FAM124B: variants seen among roughly 807,000 people sequenced by gnomAD.
The protein encoded by FAM124B is family with sequence similarity 124 member B.
FAM124B carries 18 observed loss-of-function variants against 19.7 expected under a neutral mutation model. That is an observed-to-expected ratio of 0.92 (90% confidence interval 0.63 to 1.36). The LOEUF is 1.36. FAM124B is among the 40% of genes most tolerant of loss of function. The pLI is 0.00. For synonymous variants in FAM124B, 223 were observed against 225.2 expected, an observed-to-expected ratio of 0.99 and a Z score of 0.09; for missense variants, 540 against 553.3, an observed-to-expected ratio of 0.98 and a Z score of 0.24.
chr2:224,401,425 T>C lies in FAM124B; in HGVS notation c.344A>G (p.Glu115Gly), dbSNP rs2106091755. 1.9e-6 allele frequency: 3 copies of C among 1,613,988 alleles called. No homozygotes were observed. The highest frequency in any genetic ancestry group is 2.2e-5 in the South Asian group (2 of 91,078). Residue 115 changes from glutamate (E) to glycine (G), a missense_variant, in exon 1 of 2, where the codon GAG becomes GGG. Physicochemically the swap from Glu to Gly is moderately conservative, Grantham distance 98. Transcript: ENST00000409685. ...CAGCTGACTGTCCAGGCTGTAGAAC[T>C]CCTGATTGGCAAAAAAGTAGGGACA... is the stretch of plus-strand genomic sequence containing the variant. Reference protein sequence around the residue: ...RLCPYFFANQEFYSLDSQLPI... With the variant: ...RLCPYFFANQGFYSLDSQLPI...
At chr2:224,391,072 G>A (rs545632084) in intron 1 of FAM124B, among the ~76,000 whole-genome samples, 17 of 150,512 alleles carry the variant, frequency 1.1e-4, no homozygotes, top group Admixed American at 8.6e-4. Flanking sequence ...GCAGGGTGCG[G>A]TGGCTCATGC....
chr2:224,388,484 T>C (rs1689832356), intron 1 of FAM124B, among the ~76,000 whole-genome samples: 1 of 152,146 alleles, frequency 6.6e-6, no homozygotes, highest in African/African-American at 2.4e-5. Flanking sequence ...AGACAAATAT[T>C]GTATGATTTC....
chr2:224,386,757 A>G (rs1366303918), intron 1 of FAM124B, among the ~76,000 whole-genome samples: 1 of 152,240 alleles, frequency 6.6e-6, no homozygotes, highest in Non-Finnish European at 1.5e-5. Flanking sequence ...CTAACATTCA[A>G]TAAGTAATCA....
chr2:224,398,921 G>T (rs575512366), intron 1 of FAM124B, among the ~76,000 whole-genome samples: 4 of 152,306 alleles, frequency 2.6e-5, no homozygotes, highest in African/African-American at 7.2e-5. Flanking sequence ...AGGTTGCAGT[G>T]AGCTGAGATC....
At chr2:224,382,933 A>G (rs528685414) in intron 1 of FAM124B, among the ~76,000 whole-genome samples, 5 of 152,102 alleles carry the variant, frequency 3.3e-5, no homozygotes, top group Non-Finnish European at 5.9e-5. Flanking sequence ...TGAAACCCCT[A>G]TCGCAGATGT....
At chr2:224,386,082 G>A (rs765013094) in intron 1 of FAM124B, among the ~76,000 whole-genome samples, 71 of 151,990 alleles carry the variant, frequency 4.7e-4, no homozygotes, top group Non-Finnish European at 8.4e-4. Flanking sequence ...CCACACCATC[G>A]TCCTGCTTCA....
At chr2:224,400,296 T>C in intron 1 of FAM124B, 1 of 550,110 alleles carries the variant, frequency 1.8e-6, no homozygotes, top group Non-Finnish European at 3.2e-6. Context: ...TACTGCAAAC[T>C]TAACATCCCT....
In FAM124B at chr2:224,380,190, G is replaced by A; in HGVS notation, c.751C>T (p.Leu251Phe). ...CCCAAGATGCCATTCTTAACACCAA[G>A]TTCTGGATTCAGCTGAACCTACAGG... ...ILLQVQLNPE[L>F]GVKNGILGAG... The change falls in exon 2 of 2, where the codon CTT (leucine) becomes TTT (phenylalanine). Residue 251 changes from leucine to phenylalanine, a missense_variant. Coordinates refer to ENST00000409685, the MANE Select transcript of FAM124B (RefSeq NM_001122779.2). 1 of 1,546,944 alleles carries A rather than the reference G, an allele frequency of 6.5e-7. No individual in the cohort carries two copies. Among genetic ancestry groups the A allele is most frequent in the Non-Finnish European group, 8.7e-7 (1 of 1,143,896 alleles).
intron 1 of FAM124B, among the ~76,000 whole-genome samples, chr2:224,390,787 A>G (rs6436473): frequency 1 from 150,526 of 150,590 alleles, 75,231 homozygotes; most frequent in Middle Eastern, 1. Context: ...TGCAACCTCC[A>G]CCTCCCGGGT....
At position 224,380,158 on chromosome 2, in the gene FAM124B, GC is replaced by G. The variant is rs1356497665; in HGVS notation, c.782del (p.Gly261AlafsTer9). ...LGVKNGILGA[G>X]MLPLGSRLTS... ...TCAGCCTGGAGCCCAGGGGAAGCAT[GC>G]CAGCTCCCAAGATGCCATTCTTAAC... On this transcript the variant is annotated frameshift_variant, in exon 2 of 2. Transcript: ENST00000409685. LOFTEE classifies it low-confidence loss of function (END_TRUNC). 8 of 1,551,298 alleles carry G rather than the reference GC, an allele frequency of 5.2e-6. No individual in the cohort carries two copies. Among genetic ancestry groups the G allele is most frequent in the Non-Finnish European group, 7.0e-6 (8 of 1,146,806 alleles).
chr2:224,401,387 C>T lies in FAM124B; in HGVS notation c.382G>A (p.Val128Met). 3 of 1,614,028 alleles carry T rather than the reference C, an allele frequency of 1.9e-6. No homozygotes were observed. Among genetic ancestry groups the T allele is most frequent in the South Asian group, 2.2e-5 (2 of 91,058 alleles). The change falls in exon 1 of 2, where the codon GTG (valine) becomes ATG (methionine). Residue 128 changes from valine (V) to methionine (M), a missense_variant. Coordinates refer to ENST00000409685, the MANE Select transcript of FAM124B (RefSeq NM_001122779.2). ...SLDSQLPIWG[V>M]RQVHCGSEIL... ...TCGGAGCCACAGTGCACCTGCCTCA[C>T]CCCCCAGATGGGCAGCTGACTGTCC...
intron 1 of FAM124B, among the ~76,000 whole-genome samples, chr2:224,396,559 T>C (rs1326167808): frequency 2.0e-5 from 3 of 152,212 alleles, no homozygotes. Flanking sequence ...TTGCTGAACA[T>C]CAGCCATTTG....
rs1237857402 is a variant in FAM124B at position 224,401,443 on chromosome 2, T to G, written c.326A>C (p.Tyr109Ser). ...TQDTRGRLCP[Y>S]FFANQEFYSL... ...GTAGAACTCCTGATTGGCAAAAAAG[T>G]AGGGACACAGCCTTCCCCGAGTGTC... The change falls in exon 1 of 2, where the codon TAC (tyrosine) becomes TCC (serine). Residue 109 changes from tyrosine to serine, a missense_variant. Transcript: ENST00000409685. 6.2e-7 allele frequency: 1 copy of G among 1,613,774 alleles called. No homozygotes were observed. Among genetic ancestry groups the G allele is most frequent in the Non-Finnish European group, 8.5e-7 (1 of 1,179,944 alleles).
Position 224,401,596 on chromosome 2 carries a change from T to C in FAM124B, c.173A>G (p.His58Arg), listed in dbSNP as rs1207722307. The change falls in exon 1 of 2, where the codon CAT (histidine) becomes CGT (arginine). Residue 58 changes from histidine (H) to arginine (R), a missense_variant. By Grantham distance (29) the His-to-Arg change is conservative (BLOSUM62 0). Coordinates refer to ENST00000409685, the MANE Select transcript of FAM124B (RefSeq NM_001122779.2). ...CCCTGGAAACCGGGACCGCTTGGAA[T>C]GGGACTTTTCACAGTATTTCACAGG... ...ASPVKYCEKSHSKRSRFPGMS... is the reference protein window; with the variant it reads ...ASPVKYCEKSRSKRSRFPGMS... 1.9e-6 allele frequency: 3 copies of C among 1,613,970 alleles called. No individual in the cohort carries two copies. Among genetic ancestry groups the C allele is most frequent in the Non-Finnish European group, 2.5e-6 (3 of 1,180,018 alleles).
At position 224,379,442 on chromosome 2, in the gene FAM124B, A is replaced by G. The variant is rs1689675120; in HGVS notation, c.*131T>C. The G allele has an allele frequency of 8.2e-7, 1 of 1,216,800 alleles. No homozygotes were observed. The highest frequency in any genetic ancestry group is 1.7e-5 in the South Asian group (1 of 59,942). 75.4% of individuals were successfully genotyped at this position (1,216,800 alleles called of 1,614,324 possible). On this transcript the variant is annotated 3_prime_UTR_variant, in exon 2 of 2. Coordinates refer to ENST00000409685, the MANE Select transcript of FAM124B (RefSeq NM_001122779.2). Reference sequence around the variant, plus strand: ...GACTTTGAACATTTGAAATAAAATCAATACAGATTGTGCATGGGGAGCATT... The same window carrying G: ...GACTTTGAACATTTGAAATAAAATCGATACAGATTGTGCATGGGGAGCATT...
intron 1 of FAM124B, among the ~76,000 whole-genome samples, chr2:224,394,622 C>T (rs942021807): frequency 6.6e-6 from 1 of 152,100 alleles, no homozygotes; most frequent in African/African-American, 2.4e-5. Flanking sequence ...AGCATGTCTG[C>T]CCCTTCTCTA....
chr2:224,385,127 A>G (rs1404910941), intron 1 of FAM124B, among the ~76,000 whole-genome samples: 1 of 152,096 alleles, frequency 6.6e-6, no homozygotes, highest in Non-Finnish European at 1.5e-5. Context: ...ACAAGATAAA[A>G]TCTAAGTCCT....
Position 224,401,323 on chromosome 2 carries a change from T to C in FAM124B, c.446A>G (p.Tyr149Cys), listed in dbSNP as rs150435753. 8 of 1,613,968 alleles carry C rather than the reference T, an allele frequency of 5.0e-6. No individual in the cohort carries two copies. Among genetic ancestry groups the C allele is most frequent in the Non-Finnish European group, 5.9e-6 (7 of 1,179,984 alleles). ...RVTLYCSFDN[Y>C]EDAIRLYEMI... ...CTCGTAGAGTCTGATGGCGTCTTCA[T>C]AGTTATCAAAACTGCAGTACAGCGT... The change falls in exon 1 of 2, where the codon TAT (tyrosine) becomes TGT (cysteine). Residue 149 changes from tyrosine (Y) to cysteine (C), a missense_variant. Physicochemically the swap from Tyr to Cys is radical, Grantham distance 194 (BLOSUM62 -2). Transcript: ENST00000409685.
chr2:224,394,071 CA>C (rs1160557591), intron 1 of FAM124B, among the ~76,000 whole-genome samples: 2 of 152,172 alleles, frequency 1.3e-5, no homozygotes, highest in African/African-American at 4.8e-5. Context: ...CACCAAGCGA[CA>C]TTGACTTCCA....
Sources: allele counts gnomAD v4.1 joint callset (sites outside exome capture counted in the v4.1 genomes callset), GRCh38; gene constraint gnomAD v4.1.1; transcripts MANE v1.5; gene names NCBI Gene and HGNC (gene_info 2026-07-23, HGNC 2026-07-21).